Variants in TSPAN7 observed in about 807,000 individuals in gnomAD.
The protein encoded by TSPAN7 is tetraspanin-7.
In TSPAN7, 1 loss-of-function variant was observed where a neutral mutation model predicts 17.6. The ratio of observed to expected loss-of-function variants is 0.06; its 90% CI spans 0.02 to 0.27. The LOEUF is 0.27. Among genes scored for constraint, TSPAN7 ranks in the 10% least tolerant of loss-of-function variants. The pLI, the probability that TSPAN7 is intolerant of heterozygous loss-of-function variation, is 1.00. For synonymous variants in TSPAN7, 78 were observed against 79.0 expected, an observed-to-expected ratio of 0.99 and a Z score of 0.07; for missense variants, 112 against 201.7, an observed-to-expected ratio of 0.56 and a Z score of 2.69.
chrX:38,681,399 T>C, intron 6 of TSPAN7, 112 bp downstream of exon 6: 1 of 634,302 alleles, frequency 1.6e-6, no homozygotes, highest in South Asian at 2.2e-5. Context: ...ATAGATGGGG[T>C]CAAAGCTCCT....
intron 1 of TSPAN7, among the ~76,000 whole-genome samples, chrX:38,614,366 T>C (rs1395049945): frequency 8.9e-6 from 1 of 111,955 alleles, no homozygotes; most frequent in Non-Finnish European, 1.9e-5. Flanking sequence ...AAAAGACAAA[T>C]TGAAACTCAG....
At chrX:38,626,920 T>A (rs1446023613) in intron 1 of TSPAN7, among the ~76,000 whole-genome samples, 2 of 111,351 alleles carry the variant, frequency 1.8e-5, no homozygotes, top group Non-Finnish European at 3.8e-5. Context: ...TGGCTTTGGC[T>A]GGGGTAATTT....
At chrX:38,636,681 T>C (rs1263414130) in intron 1 of TSPAN7, among the ~76,000 whole-genome samples, 1 of 106,205 alleles carries the variant, frequency 9.4e-6, no homozygotes, top group Non-Finnish European at 2.0e-5. Context: ...TTCTTTTTTC[T>C]TTTTTTTTTA....
At chrX:38,678,264 G>T (rs1458954757) in intron 5 of TSPAN7, among the ~76,000 whole-genome samples, 6 of 112,008 alleles carry the variant, frequency 5.4e-5, no homozygotes, top group African/African-American at 1.9e-4. Flanking sequence ...TAGTTACTTT[G>T]CTTGGCAGTT....
In TSPAN7 at chrX:38,589,072, G is replaced by A. The variant is rs1334197254; in HGVS notation, c.81+27445G>A. Among the ~76,000 whole-genome samples the A allele has an allele frequency of 2.7e-5, 3 of 111,868 alleles. No individual in the cohort carries two copies. In the Admixed American group the frequency reaches 2.8e-4, roughly 11 times the overall value. ...TTCACCCCAGGTCGCAGCCAGGTTA[G>A]CATTAGAAGGATGGATTGGATTTTC... On this transcript the variant is annotated intron_variant, in intron 1 of 7. Coordinates refer to ENST00000378482, the MANE Select transcript of TSPAN7 (RefSeq NM_004615.4).
At position 38,687,936 on chromosome X, in the gene TSPAN7, T is replaced by C; in HGVS notation, c.*8-3T>C. 1 of 281,757 alleles carries C rather than the reference T, an allele frequency of 3.5e-6. No homozygotes were observed. The allele number at this position is 281,757 out of a possible 1,213,427, so 23.2% of individuals were successfully genotyped here. A position where few individuals can be genotyped will look rare whatever the true frequency, so the allele number is the denominator to read the frequency against. On this transcript the variant is annotated splice_polypyrimidine_tract_variant and splice_region_variant and intron_variant, in intron 7 of 7. Coordinates refer to ENST00000378482, the MANE Select transcript of TSPAN7 (RefSeq NM_004615.4). ...CACTCACATGTTCTCATTTCTCTCT[T>C]AGTCTTTCAAGAATGACGGAATAAG...
At chrX:38,598,512 A>T (rs1315610074) in intron 1 of TSPAN7, among the ~76,000 whole-genome samples, 1 of 110,767 alleles carries the variant, frequency 9.0e-6, no homozygotes, top group Non-Finnish European at 1.9e-5. Context: ...TACCTCTTGT[A>T]TTATTGTAGA....
intron 6 of TSPAN7, among the ~76,000 whole-genome samples, chrX:38,684,527 AC>A (rs1002166650): frequency 3.6e-5 from 4 of 110,267 alleles, no homozygotes; most frequent in Non-Finnish European, 7.6e-5. Flanking sequence ...TCCTATCCCC[AC>A]CCCCAAAATG....
chrX:38,582,397 A>G (rs2069232414), intron 1 of TSPAN7, among the ~76,000 whole-genome samples: 1 of 112,178 alleles, frequency 8.9e-6, no homozygotes, highest in Non-Finnish European at 1.9e-5. Flanking sequence ...TATTACTACC[A>G]TCACACCAAA....
chrX:38,640,887 A>G (rs1002237609), intron 1 of TSPAN7, among the ~76,000 whole-genome samples: 4 of 112,124 alleles, frequency 3.6e-5, no homozygotes, highest in African/African-American at 1.3e-4. Flanking sequence ...TTAGAAGTAC[A>G]TTTCTTAAGC....
chrX:38,589,770 C>T lies in TSPAN7; in HGVS notation c.81+28143C>T, dbSNP rs370243990. Among the ~76,000 whole-genome samples, 345 of 112,157 alleles carry T rather than the reference C, an allele frequency of 3.1e-3. 1 individual carries two copies. The highest frequency in any genetic ancestry group is 0.013 in the South Asian group (36 of 2,687). On this transcript the variant is annotated intron_variant, in intron 1 of 7. Coordinates refer to ENST00000378482, the MANE Select transcript of TSPAN7 (RefSeq NM_004615.4). ...TGATTGTTTCATTAGAATGTTTATACATTAAAGCTACCAATCCATTGTTTT... is the reference window on the plus strand; with the variant it reads ...TGATTGTTTCATTAGAATGTTTATATATTAAAGCTACCAATCCATTGTTTT...
At chrX:38,656,703 A>G (rs994745497) in intron 1 of TSPAN7, among the ~76,000 whole-genome samples, 13 of 111,971 alleles carry the variant, frequency 1.2e-4, no homozygotes, top group African/African-American at 3.9e-4. Flanking sequence ...GTCTATTTAT[A>G]TATCTGGGTC....
rs1343066431 is a variant in TSPAN7, at chrX:38,604,105, G to A, written c.81+42478G>A. Reference sequence around the variant, plus strand: ...TTCTCATTGTTCAATTCCCACCTATGAGTGAGAATATGCGGTGTTTGGTTT... The same window carrying A: ...TTCTCATTGTTCAATTCCCACCTATAAGTGAGAATATGCGGTGTTTGGTTT... On this transcript the variant is annotated intron_variant, in intron 1 of 7. Transcript: ENST00000378482. Among the ~76,000 whole-genome samples the A allele has an allele frequency of 6.2e-3, 586 of 94,286 alleles. 5 individuals are homozygous for A. The highest frequency in any genetic ancestry group is 0.011 in the Middle Eastern group (2 of 179). 81.9% of individuals were successfully genotyped at this position (94,286 alleles called of 115,157 possible).
chrX:38,566,486 C>T, intron 1 of TSPAN7: 1 of 380,182 alleles, frequency 2.6e-6, no homozygotes, highest in South Asian at 6.7e-5. Flanking sequence ...TACTCTTGGG[C>T]TCAGTTATTT....
At chrX:38,592,133 G>A (rs1039883157) in intron 1 of TSPAN7, among the ~76,000 whole-genome samples, 2 of 111,329 alleles carry the variant, frequency 1.8e-5, no homozygotes, top group Non-Finnish European at 3.8e-5. Context: ...CATGAGAACA[G>A]CAAGGGGGAA....
At chrX:38,665,452 C>G (rs1469430538) in intron 1 of TSPAN7, among the ~76,000 whole-genome samples, 4 of 111,420 alleles carry the variant, frequency 3.6e-5, no homozygotes, top group Non-Finnish European at 1.9e-5. Context: ...AAAGTAAAGG[C>G]CTGATTGATG....
At chrX:38,628,005 A>G (rs2069530520) in intron 1 of TSPAN7, among the ~76,000 whole-genome samples, 1 of 113,098 alleles carries the variant, frequency 8.8e-6, no homozygotes, top group Admixed American at 9.3e-5. Context: ...AGTGGCTTGC[A>G]CTGGGCTGTC....
rs918155510 is a variant in TSPAN7 at position 38,593,178 on chromosome X, A to G, written c.81+31551A>G. On this transcript the variant is annotated intron_variant, in intron 1 of 7. Transcript: ENST00000378482. The stretch of plus-strand genomic sequence containing the variant: ...CTTTTTTTCCCCTCTGGTGGTTTTT[A>G]ATTTTTTTTCTTAATGATTTTTAGC... 6.4e-5 allele frequency among the ~76,000 whole-genome samples: 7 copies of G among 109,987 alleles called. No homozygotes were observed. The East Asian group carries it at 2.0e-3, about 31-fold the overall frequency.
At chrX:38,658,347 ATT>A (rs369416380) in intron 1 of TSPAN7, among the ~76,000 whole-genome samples, 11 of 99,416 alleles carry the variant, frequency 1.1e-4, no homozygotes, top group African/African-American at 1.8e-4. Flanking sequence ...CACCTGGCTA[ATT>A]TTTTTTTTTT....
Sources: allele counts gnomAD v4.1 joint callset (sites outside exome capture counted in the v4.1 genomes callset), GRCh38; gene constraint gnomAD v4.1.1; transcripts MANE v1.5; gene names NCBI Gene and HGNC (gene_info 2026-07-23, HGNC 2026-07-21).